PAM: variants seen among roughly 807,000 people sequenced by gnomAD.
PAM encodes the protein peptidyl-glycine alpha-amidating monooxygenase.
PAM carries 72 observed loss-of-function variants against 122.1 expected under a neutral mutation model. That is an observed-to-expected ratio of 0.59 (90% confidence interval 0.49 to 0.72). The LOEUF is 0.72. PAM is among the 30% of genes least tolerant of loss of function. The probability of loss-of-function intolerance (pLI) is 0.00; values close to 1 mark genes in which losing one functional copy is unlikely to be tolerated. For synonymous variants in PAM, 389 were observed against 404.4 expected (o/e 0.96, Z 0.46); for missense variants, 1,106 against 1,183.7 (o/e 0.93, Z 0.96).
intron 1 of PAM, among the ~76,000 whole-genome samples, chr5:102,829,610 A>G (rs363967): frequency 0.69 from 105,117 of 152,084 alleles, 36,590 homozygotes; most frequent in South Asian, 0.81. Context: ...TCCTGACCTC[A>G]TGATCCGCTG....
intron 7 of PAM, 65 bp downstream of exon 7, chr5:102,926,733 A>G (rs1749707862): frequency 1.2e-6 from 1 of 821,228 alleles, no homozygotes; most frequent in East Asian, 2.5e-5. Context: ...ATACATGCAC[A>G]AACTATTATC....
chr5:102,990,469 C>T, intron 16 of PAM, 68 bp downstream of exon 16: 1 of 1,189,126 alleles, frequency 8.4e-7, no homozygotes, highest in South Asian at 1.8e-5. Flanking sequence ...TTTCACTAAA[C>T]TAAGAATAAT....
intron 7 of PAM, among the ~76,000 whole-genome samples, chr5:102,944,677 G>T (rs1162787325): frequency 6.6e-6 from 1 of 152,084 alleles, no homozygotes; most frequent in Non-Finnish European, 1.5e-5. Context: ...GTTACTAAAA[G>T]TCATGGAAGG....
At chr5:103,026,782 G>C (rs570685989) in intron 24 of PAM, among the ~76,000 whole-genome samples, 12 of 152,332 alleles carry the variant, frequency 7.9e-5, no homozygotes, top group Non-Finnish European at 1.8e-4. Flanking sequence ...AAAAGTTATA[G>C]TAGAGGGTGG....
chr5:102,863,723 A>G (rs1242238203), intron 1 of PAM, among the ~76,000 whole-genome samples: 1 of 150,922 alleles, frequency 6.6e-6, no homozygotes. Flanking sequence ...AATACTAATA[A>G]AATTTGATTA....
Position 102,977,658 on chromosome 5 carries a change from G to GCACACACA in PAM, c.1483+3257_1483+3264dup, listed in dbSNP as rs10527378. Among the ~76,000 whole-genome samples the GCACACACA allele has an allele frequency of 6.3e-3, 901 of 143,014 alleles. 4 individuals are homozygous for GCACACACA. Among genetic ancestry groups the GCACACACA allele is most frequent in the South Asian group, 0.022 (93 of 4,246 alleles). 93.8% of individuals were successfully genotyped at this position (143,014 alleles called of 152,430 possible). ...CTTCCCAACACACACATGCATGTGCGCACACACACACACACACACACACAC... is the reference window on the plus strand; with the variant it reads ...CTTCCCAACACACACATGCATGTGCGCACACACACACACACACACACACACACACACAC... On this transcript the variant is annotated intron_variant, in intron 15 of 25. Coordinates refer to ENST00000438793, the MANE Select transcript of PAM (RefSeq NM_001177306.2).
chr5:102,778,580 A>G (rs1261970391), intron 1 of PAM, among the ~76,000 whole-genome samples: 1 of 152,132 alleles, frequency 6.6e-6, no homozygotes, highest in East Asian at 1.9e-4. Flanking sequence ...CAAGTAGATT[A>G]TTATTATTGT....
At chr5:102,900,492 T>C (rs1410138107) in intron 3 of PAM, among the ~76,000 whole-genome samples, 1 of 151,542 alleles carries the variant, frequency 6.6e-6, no homozygotes, top group Admixed American at 6.6e-5. Flanking sequence ...AGTAGAAACA[T>C]AGGTACAAAA....
intron 1 of PAM, among the ~76,000 whole-genome samples, chr5:102,796,881 T>C (rs77538469): frequency 4.1e-4 from 63 of 152,342 alleles, no homozygotes; most frequent in Non-Finnish European, 7.1e-4. Context: ...AAGGTGTGTC[T>C]AACACTTAAC....
chr5:102,910,827 C>A (rs1561856567), intron 4 of PAM, among the ~76,000 whole-genome samples: 1 of 151,770 alleles, frequency 6.6e-6, no homozygotes, highest in East Asian at 1.9e-4. Flanking sequence ...AGAGACATTT[C>A]TTTTTAAGAT....
intron 14 of PAM, among the ~76,000 whole-genome samples, chr5:102,970,849 C>G (rs756777275): frequency 2.0e-5 from 3 of 151,850 alleles, no homozygotes; most frequent in Admixed American, 1.3e-4. Flanking sequence ...CTCTGTCTCC[C>G]GGGCTGGAGT....
rs539385586 is a variant in PAM, at chr5:102,990,432, T to A, written c.1613+31T>A. On this transcript the variant is annotated intron_variant, in intron 16 of 25. Coordinates refer to ENST00000438793, the MANE Select transcript of PAM (RefSeq NM_001177306.2). ...TAATATTTTTTCTTCAATAAGCAAA[T>A]GAAAATAAAAATAGTGTACATAATT... 5 of 1,525,222 alleles carry A rather than the reference T, an allele frequency of 3.3e-6. No individual in the cohort carries two copies. The South Asian group carries it at 4.8e-5, about 15-fold the overall frequency. 94.5% of individuals were successfully genotyped at this position (1,525,222 alleles called of 1,614,324 possible).
At chr5:103,012,580 C>T (rs915426106) in intron 21 of PAM, among the ~76,000 whole-genome samples, 3 of 152,028 alleles carry the variant, frequency 2.0e-5, no homozygotes, top group South Asian at 2.1e-4. Context: ...CTGGGCCAGG[C>T]GCGGTGGCTC....
At chr5:102,934,942 G>C (rs572932112) in intron 7 of PAM, among the ~76,000 whole-genome samples, 55 of 152,200 alleles carry the variant, frequency 3.6e-4, no homozygotes, top group African/African-American at 1.1e-3. Flanking sequence ...TCATATTTGA[G>C]TTTTCAGTTA....
chr5:102,909,953 T>C (rs961043439), intron 4 of PAM, among the ~76,000 whole-genome samples: 2 of 151,898 alleles, frequency 1.3e-5, no homozygotes, highest in Non-Finnish European at 2.9e-5. Flanking sequence ...CTCTACAGAA[T>C]ATTTTTTGGC....
chr5:103,018,608 A>G (rs1163037869), intron 22 of PAM, among the ~76,000 whole-genome samples: 3 of 152,200 alleles, frequency 2.0e-5, no homozygotes, highest in African/African-American at 7.2e-5. Context: ...GGGTCAGACA[A>G]TAAGGCAAAG....
chr5:103,018,851 T>G (rs570440128), intron 22 of PAM, among the ~76,000 whole-genome samples: 1 of 152,148 alleles, frequency 6.6e-6, no homozygotes, highest in African/African-American at 2.4e-5. Flanking sequence ...AGACAATTTT[T>G]CCACAGACCA....
At chr5:102,961,629 A>G (rs891240474) in intron 14 of PAM, among the ~76,000 whole-genome samples, 2 of 151,930 alleles carry the variant, frequency 1.3e-5, no homozygotes, top group African/African-American at 4.8e-5. Flanking sequence ...AGAAAAAAAG[A>G]AATTAAGAAT....
chr5:102,786,947 T>C (rs976022738), intron 1 of PAM, among the ~76,000 whole-genome samples: 1 of 152,088 alleles, frequency 6.6e-6, no homozygotes, highest in African/African-American at 2.4e-5. Context: ...TCCCAGCAGA[T>C]ATATTTGACC....
Sources: allele counts gnomAD v4.1 joint callset (sites outside exome capture counted in the v4.1 genomes callset), GRCh38; gene constraint gnomAD v4.1.1; transcripts MANE v1.5; gene names NCBI Gene and HGNC (gene_info 2026-07-23, HGNC 2026-07-21).